Variants in GRIK2 observed in about 807,000 individuals in gnomAD.
GRIK2 encodes the protein glutamate ionotropic receptor kainate type subunit 2, also known as glutamate receptor ionotropic, kainate 2.
GRIK2 carries 32 observed loss-of-function variants against 100.3 expected under a neutral mutation model. The ratio of observed to expected loss-of-function variants is 0.32; its 90% CI spans 0.24 to 0.43. GRIK2 has a LOEUF of 0.43. GRIK2 is among the 20% of genes least tolerant of loss of function. The probability of loss-of-function intolerance (pLI) is 1.00; values close to 1 mark genes in which losing one functional copy is unlikely to be tolerated. For missense variants in GRIK2, 843 were observed against 1,114.9 expected (o/e 0.76, Z 3.47); for synonymous variants, 417 against 389.4 (o/e 1.07, Z -0.83).
chr6:101,498,091 T>C (rs9498599), intron 2 of GRIK2, among the ~76,000 whole-genome samples: 84,868 of 142,146 alleles, frequency 0.6, 26,271 homozygotes, highest in African/African-American at 0.77. Context: ...TTGTTCAATT[T>C]CCACCTATGA....
At chr6:101,996,856 G>A (rs1582689305) in intron 14 of GRIK2, among the ~76,000 whole-genome samples, 1 of 152,178 alleles carries the variant, frequency 6.6e-6, no homozygotes, top group Non-Finnish European at 1.5e-5. Context: ...CAATTTTCAT[G>A]AATGTTGTCA....
intron 4 of GRIK2, among the ~76,000 whole-genome samples, chr6:101,642,596 T>G (rs936846073): frequency 6.6e-6 from 1 of 151,772 alleles, no homozygotes; most frequent in Non-Finnish European, 1.5e-5. Context: ...AAGGCTCAAT[T>G]ATATTCCATT....
intron 2 of GRIK2, among the ~76,000 whole-genome samples, chr6:101,604,050 T>G (rs1250720991): frequency 6.6e-6 from 1 of 151,696 alleles, no homozygotes; most frequent in Non-Finnish European, 1.5e-5. Context: ...AAAAAAGTTT[T>G]GTCTTTATAA....
intron 2 of GRIK2, among the ~76,000 whole-genome samples, chr6:101,454,440 T>C (rs917988051): frequency 6.6e-5 from 10 of 152,236 alleles, no homozygotes; most frequent in African/African-American, 2.4e-4. Context: ...CCCATGAGTA[T>C]AGACAAACAT....
chr6:101,764,600 A>G (rs1777930298), intron 7 of GRIK2, among the ~76,000 whole-genome samples: 2 of 152,142 alleles, frequency 1.3e-5, no homozygotes, highest in African/African-American at 4.8e-5. Flanking sequence ...TTTGGCCCAA[A>G]CACTAATAAA....
intron 7 of GRIK2, among the ~76,000 whole-genome samples, chr6:101,725,214 G>A (rs1672985386): frequency 6.6e-6 from 1 of 151,952 alleles, no homozygotes; most frequent in African/African-American, 2.4e-5. Context: ...TCTTTCCCTA[G>A]TTCTTGTACC....
At chr6:101,754,269 G>A (rs558043322) in intron 7 of GRIK2, among the ~76,000 whole-genome samples, 157 of 152,204 alleles carry the variant, frequency 1.0e-3, no homozygotes, top group African/African-American at 3.7e-3. Context: ...TATTCCAAAA[G>A]GTATCTTAAT....
intron 14 of GRIK2, among the ~76,000 whole-genome samples, chr6:101,948,698 C>A (rs114755007): frequency 0.011 from 1,715 of 151,986 alleles, 34 homozygotes; most frequent in African/African-American, 0.039. Context: ...TAGTCCTGAA[C>A]TCTTAGGCTA....
chr6:101,773,685 TA>T (rs1778554743), intron 7 of GRIK2, among the ~76,000 whole-genome samples: 2 of 152,156 alleles, frequency 1.3e-5, no homozygotes, highest in South Asian at 4.1e-4. Context: ...ATGACATATT[TA>T]AAAAGCTTTA....
At chr6:101,792,987 C>T (rs1319532330) in intron 7 of GRIK2, among the ~76,000 whole-genome samples, 1 of 152,172 alleles carries the variant, frequency 6.6e-6, no homozygotes, top group African/African-American at 2.4e-5. Context: ...CCCTTTCTTC[C>T]AGTTGATCGC....
intron 13 of GRIK2, 41 bp downstream of exon 13, chr6:101,924,760 C>A (rs538971046): frequency 8.1e-7 from 1 of 1,231,638 alleles, no homozygotes; most frequent in Admixed American, 1.7e-5. Flanking sequence ...GCACCATGTC[C>A]CACTCTTTGC....
At position 101,461,855 on chromosome 6, in the gene GRIK2, G is replaced by A. The variant is rs558753140; in HGVS notation, c.115+62463G>A. 3.9e-5 allele frequency among the ~76,000 whole-genome samples: 6 copies of A among 152,168 alleles called. No homozygotes were observed. The South Asian group carries it at 6.2e-4, about 16-fold the overall frequency. ...AACTGAGAAAAACTTTGTTTTATAC[G>A]TCCTAAAGCCCAATTCTTGCCACTT... On this transcript the variant is annotated intron_variant, in intron 2 of 16. Transcript: ENST00000369134.
Position 102,065,621 on chromosome 6 carries a change from G to A in GRIK2, c.2563-2726G>A, listed in dbSNP as rs546698300. Among the ~76,000 whole-genome samples the A allele has an allele frequency of 1.8e-4, 28 of 151,526 alleles. No individual in the cohort carries two copies. The South Asian group carries it at 3.7e-3, about 20-fold the overall frequency. On this transcript the variant is annotated intron_variant, in intron 16 of 16. Transcript: ENST00000369134. ...ACCAAAATATCTGAAAATTGAGATT[G>A]CCAAGAAGAAGGTGTCATAAATTTT...
chr6:102,047,575 C>T (rs1034775991), intron 15 of GRIK2, among the ~76,000 whole-genome samples: 11 of 151,976 alleles, frequency 7.2e-5, no homozygotes, highest in African/African-American at 2.7e-4. Flanking sequence ...TGGTGAAACC[C>T]CATCTCTACT....
intron 7 of GRIK2, among the ~76,000 whole-genome samples, chr6:101,739,796 C>T (rs1775907048): frequency 6.6e-6 from 1 of 152,112 alleles, no homozygotes; most frequent in Non-Finnish European, 1.5e-5. Context: ...GTAAATCTCC[C>T]TCCAGTTTGC....
At chr6:101,465,498 T>C (rs190232114) in intron 2 of GRIK2, among the ~76,000 whole-genome samples, 3 of 152,342 alleles carry the variant, frequency 2.0e-5, no homozygotes, top group Admixed American at 2.0e-4. Flanking sequence ...TGTTCCACTT[T>C]CTTAATCCAA....
rs184711828 is a variant in GRIK2 at position 101,535,240 on chromosome 6, G to A, written c.116-86709G>A. Among the ~76,000 whole-genome samples the A allele has an allele frequency of 7.1e-4, 108 of 151,840 alleles. 1 individual carries two copies. The highest frequency in any genetic ancestry group is 4.1e-3 in the South Asian group (20 of 4,826). On this transcript the variant is annotated intron_variant, in intron 2 of 16. Transcript: ENST00000369134. ...TCTATAAAGGCATGATGTGTTTACT[G>A]TTGATATCTCTAAATCTTGGCTAGA...
At chr6:101,402,522 C>T (rs1327684228) in intron 2 of GRIK2, among the ~76,000 whole-genome samples, 1 of 152,026 alleles carries the variant, frequency 6.6e-6, no homozygotes. Context: ...TAGGGTGCTG[C>T]CCCGAGGCTC....
chr6:102,060,303 A>G (rs1771682796), intron 16 of GRIK2, among the ~76,000 whole-genome samples: 1 of 150,836 alleles, frequency 6.6e-6, no homozygotes. Context: ...GGAATAACCA[A>G]TTTGGAATAC....
Sources: allele counts gnomAD v4.1 joint callset (sites outside exome capture counted in the v4.1 genomes callset), GRCh38; gene constraint gnomAD v4.1.1; transcripts MANE v1.5; gene names NCBI Gene and HGNC (gene_info 2026-07-23, HGNC 2026-07-21).